GAD1: variants seen among roughly 807,000 people sequenced by gnomAD.
GAD1 encodes 67 kDa glutamic acid decarboxylase.
A neutral mutation model predicts 75.2 loss-of-function variants in GAD1; 35 were observed. That is an observed-to-expected ratio of 0.47 (90% CI 0.36 to 0.62). The LOEUF (loss-of-function observed/expected upper bound fraction) is 0.62, where lower values mean the gene tolerates loss of function less well. Ranked by LOEUF, GAD1 falls within the 20% of genes least tolerant of loss-of-function variation. The pLI is 0.00. For missense variants in GAD1, 490 were observed against 758.5 expected, an observed-to-expected ratio of 0.65 and a Z score of 4.16; for synonymous variants, 257 against 271.9, an observed-to-expected ratio of 0.95 and a Z score of 0.54.
At position 170,836,816 on chromosome 2, in the gene GAD1, C is replaced by T. The variant is rs1206672606; in HGVS notation, c.571C>T (p.Leu191Phe). 1 of 1,613,748 alleles carries T rather than the reference C, an allele frequency of 6.2e-7. No individual in the cohort carries two copies. Among genetic ancestry groups the T allele is most frequent in the African/African-American group, 1.3e-5 (1 of 74,924 alleles). Residue 191 changes from leucine to phenylalanine, a missense_variant, in exon 6 of 17, where the codon CTC (leucine) becomes TTC (phenylalanine). By Grantham distance (22) the Leu-to-Phe change is conservative. Around this residue, in one of 3 missense-constraint regions of GAD1, gnomAD observed 324 missense variants for 523.9 expected, o/e 0.62. Transcript: ENST00000358196. ...RTGHPRFFNQLSTGLDIIGLA... is the reference protein window; with the variant it reads ...RTGHPRFFNQFSTGLDIIGLA... Reference sequence around the variant, plus strand: ...AGGTCATCCTCGATTTTTCAACCAGCTCTCCACTGGATTGGATATTATTGG... The same window carrying T: ...AGGTCATCCTCGATTTTTCAACCAGTTCTCCACTGGATTGGATATTATTGG...
chr2:170,826,275 C>T (rs977859381), intron 3 of GAD1, among the ~76,000 whole-genome samples: 6 of 152,086 alleles, frequency 3.9e-5, no homozygotes, highest in East Asian at 3.9e-4. Flanking sequence ...GGTTTAAAGC[C>T]GTGTCGTAGG....
intron 11 of GAD1, chr2:170,848,821 C>T (rs1460726485): frequency 1.9e-6 from 1 of 519,328 alleles, no homozygotes; most frequent in Admixed American, 1.9e-5. Flanking sequence ...CTTGTTGTTA[C>T]ATAAGTTGTT....
upstream of GAD1, among the ~76,000 whole-genome samples, chr2:170,815,681 G>T (rs3791878): frequency 0.23 from 35,423 of 152,114 alleles, 5,083 homozygotes; most frequent in South Asian, 0.33. Context: ...TGCCTACACG[G>T]TGTCACCCAG....
At chr2:170,843,856 A>G in intron 6 of GAD1, 189 bp from the exon 7 acceptor site, 1 of 594,160 alleles carries the variant, frequency 1.7e-6, no homozygotes, top group Non-Finnish European at 3.0e-6. Flanking sequence ...TCTCTCAGTA[A>G]CCCAGGCTGG....
intron 3 of GAD1, 23 bp downstream of exon 3, chr2:170,822,172 G>A (rs1477284276): frequency 3.7e-6 from 6 of 1,608,766 alleles, no homozygotes. Flanking sequence ...ACCCACTGGG[G>A]CCCGGCTGGG....
At chr2:170,855,612 C>T (rs1400875499) in intron 14 of GAD1, among the ~76,000 whole-genome samples, 6 of 151,740 alleles carry the variant, frequency 4.0e-5, no homozygotes, top group African/African-American at 9.7e-5. Context: ...CGGTGGCTCA[C>T]GCATGTAATC....
Position 170,829,597 on chromosome 2 carries a change from C to T in GAD1, c.268C>T (p.Arg90Cys), listed in dbSNP as rs373042715. 134 of 1,613,658 alleles carry T rather than the reference C, an allele frequency of 8.3e-5. No homozygotes were observed. The highest frequency in any genetic ancestry group is 3.3e-4 in the Admixed American group (20 of 60,022). The change falls in exon 4 of 17, where the codon CGC becomes TGC. Residue 90 changes from arginine to cysteine, a missense_variant. Around this residue, in one of 3 missense-constraint regions of GAD1, gnomAD observed 165 missense variants for 216.4 expected, o/e 0.76. Coordinates refer to ENST00000358196, the MANE Select transcript of GAD1 (RefSeq NM_000817.3). The part of the protein sequence containing the change: ...ENSDRDARFR[R>C]TETDFSNLFA... Reference sequence around the variant, plus strand: ...CAGCGACCGGGATGCCCGCTTCCGGCGCACAGAGACTGACTTCTCTAATCT... The same window carrying T: ...CAGCGACCGGGATGCCCGCTTCCGGTGCACAGAGACTGACTTCTCTAATCT...
chr2:170,813,759 G>A (rs1473282500), upstream of GAD1, among the ~76,000 whole-genome samples: 6 of 152,232 alleles, frequency 3.9e-5, no homozygotes. Flanking sequence ...GACGGGGAAA[G>A]GAATAAAGGG....
upstream of GAD1, among the ~76,000 whole-genome samples, chr2:170,813,623 C>A (rs1379741611): frequency 6.6e-6 from 1 of 152,084 alleles, no homozygotes; most frequent in Non-Finnish European, 1.5e-5. Flanking sequence ...GAAGATCTCC[C>A]CGCAGCCCGT....
intron 2 of GAD1, among the ~76,000 whole-genome samples, chr2:170,819,712 G>A (rs1310047718): frequency 2.0e-5 from 3 of 151,850 alleles, no homozygotes; most frequent in Admixed American, 2.0e-4. Context: ...TTTCTGAGAT[G>A]TAATTAATTG....
upstream of GAD1, among the ~76,000 whole-genome samples, chr2:170,815,664 G>C (rs896231282): frequency 6.6e-6 from 1 of 152,180 alleles, no homozygotes; most frequent in African/African-American, 2.4e-5. Flanking sequence ...ACCAGTAAAG[G>C]AATCACTGCC....
intron 14 of GAD1, among the ~76,000 whole-genome samples, chr2:170,856,614 A>C (rs1175819589): frequency 1.3e-5 from 2 of 152,260 alleles, no homozygotes; most frequent in Non-Finnish European, 1.5e-5. Flanking sequence ...TTTTTATTAG[A>C]GTCAACAGAC....
chr2:170,847,635 G>A, intron 10 of GAD1, 41 bp from the exon 11 acceptor site: 1 of 1,332,812 alleles, frequency 7.5e-7, no homozygotes, highest in East Asian at 2.3e-5. Flanking sequence ...AATGAGAAAG[G>A]TTAAAAATAC....
intron 11 of GAD1, chr2:170,848,859 G>T (rs1160066501): frequency 2.0e-6 from 1 of 506,876 alleles, no homozygotes; most frequent in Admixed American, 2.1e-5. Context: ...AGCAGGAACT[G>T]CTGCTTTTTG....
At chr2:170,823,754 C>T (rs1701954692) in intron 3 of GAD1, among the ~76,000 whole-genome samples, 1 of 150,972 alleles carries the variant, frequency 6.6e-6, no homozygotes, top group Non-Finnish European at 1.5e-5. Context: ...CCGTCATTGT[C>T]ATGCAGCCAG....
Position 170,859,754 on chromosome 2 carries a change from A to G in GAD1, c.1657A>G (p.Met553Val). 6.2e-7 allele frequency: 1 copy of G among 1,614,232 alleles called. No homozygotes were observed. The highest frequency in any genetic ancestry group is 8.5e-7 in the Non-Finnish European group (1 of 1,180,042). The change falls in exon 17 of 17, where the codon ATG becomes GTG. Residue 553 changes from methionine (M) to valine (V), a missense_variant. Met to Val is a conservative substitution (Grantham distance 21, BLOSUM62 1). This residue lies in a region of GAD1 where 324 missense variants were observed against 523.9 expected (regional missense o/e 0.62). Coordinates refer to ENST00000358196, the MANE Select transcript of GAD1 (RefSeq NM_000817.3). ...CCTGATGATGGAGTCAGGTACGACC[A>G]TGGTTGGCTACCAGCCCCAAGGGGA... ...KALMMESGTT[M>V]VGYQPQGDKA...
chr2:170,825,474 T>C (rs1372275764), intron 3 of GAD1, among the ~76,000 whole-genome samples: 1 of 152,136 alleles, frequency 6.6e-6, no homozygotes, highest in Non-Finnish European at 1.5e-5. Flanking sequence ...GAACAGAGAA[T>C]GTGCTGGGCT....
chr2:170,858,739 G>A (rs1702902442), intron 15 of GAD1, 65 bp from the exon 16 acceptor site: 1 of 1,482,078 alleles, frequency 6.7e-7, no homozygotes, highest in Admixed American at 1.7e-5. Flanking sequence ...ATGCATATTG[G>A]TTTGGGAACA....
intron 5 of GAD1, among the ~76,000 whole-genome samples, chr2:170,832,788 G>A (rs1298817490): frequency 2.0e-5 from 3 of 152,202 alleles, no homozygotes; most frequent in Non-Finnish European, 2.9e-5. Flanking sequence ...CCTTGAGGAT[G>A]TCCTCTTGCC....
Sources: allele counts gnomAD v4.1 joint callset (sites outside exome capture counted in the v4.1 genomes callset), GRCh38; gene constraint gnomAD v4.1.1; regional missense constraint gnomAD v4.1.1; transcripts MANE v1.5; gene names NCBI Gene and HGNC (gene_info 2026-07-23, HGNC 2026-07-21).